The following HERPUD2 variants were observed in gnomAD, a reference collection of about 807,000 sequenced individuals.
The protein encoded by HERPUD2 is HERPUD family member 2, also known as homocysteine-responsive endoplasmic reticulum-resident ubiquitin-like domain member 2 protein.
In HERPUD2, 13 loss-of-function variants were observed where a neutral mutation model predicts 49.9. The ratio of observed to expected loss-of-function variants is 0.26; its 90% CI spans 0.17 to 0.41. HERPUD2 has a LOEUF of 0.41. Among genes scored for constraint, HERPUD2 ranks in the 10% least tolerant of loss-of-function variants. The pLI is 1.00. For missense variants in HERPUD2, 449 were observed against 492.2 expected (o/e 0.91, Z 0.83); for synonymous variants, 172 against 171.4 (o/e 1.00, Z -0.03).
intron 2 of HERPUD2, among the ~76,000 whole-genome samples, chr7:35,673,923 T>C (rs1785695310): frequency 1.3e-5 from 2 of 152,106 alleles, no homozygotes; most frequent in South Asian, 2.1e-4. Flanking sequence ...GGAGAGTCAG[T>C]TGCCATCTCT....
At chr7:35,665,912 C>T (rs1434678610) in intron 5 of HERPUD2, among the ~76,000 whole-genome samples, 2 of 152,118 alleles carry the variant, frequency 1.3e-5, no homozygotes, top group African/African-American at 4.8e-5. Context: ...TTGTTTATTA[C>T]AAAATATATT....
intron 3 of HERPUD2, among the ~76,000 whole-genome samples, chr7:35,670,953 A>C (rs1336586045): frequency 6.6e-6 from 1 of 152,130 alleles, no homozygotes; most frequent in African/African-American, 2.4e-5. Flanking sequence ...TGAGATCATA[A>C]GCATATTTAT....
In HERPUD2 at chr7:35,673,288, G is replaced by T. The variant is rs143729755; in HGVS notation, c.148-10C>A. The T allele has an allele frequency of 8.3e-3, 13,315 of 1,597,014 alleles. 95 individuals carry two copies. Among genetic ancestry groups the T allele is most frequent in the South Asian group, 0.023 (2,047 of 88,906 alleles). ...TCTGATCCTTCGTCAACTAAGAAAT[G>T]GGACAAAGAAAAGAATTCAACTTTT... is the stretch of plus-strand genomic sequence containing the variant. On this transcript the variant is annotated splice_polypyrimidine_tract_variant and intron_variant, in intron 2 of 8. Coordinates refer to ENST00000311350, the MANE Select transcript of HERPUD2 (RefSeq NM_022373.5).
At chr7:35,639,090 G>A (rs373463844) in intron 5 of HERPUD2, among the ~76,000 whole-genome samples, 16 of 151,524 alleles carry the variant, frequency 1.1e-4, no homozygotes, top group Admixed American at 5.3e-4. Flanking sequence ...GTGCAGTGGC[G>A]TGATCTCGGC....
At position 35,654,252 on chromosome 7, in the gene HERPUD2, T is replaced by C. The variant is rs1466513360; in HGVS notation, c.494+13182A>G. Among the ~76,000 whole-genome samples the C allele has an allele frequency of 6.3e-5, 9 of 143,746 alleles. No homozygotes were observed. In the East Asian group the frequency reaches 1.8e-3, roughly 29 times the overall value. 94.3% of individuals were successfully genotyped at this position (143,746 alleles called of 152,430 possible). A position where few individuals can be genotyped will look rare whatever the true frequency, so the allele number is the denominator to read the frequency against. ...GACTGAAAAAACACAATACAAAAGA[T>C]CAACAAAATAAAAACTTGGCTTTTT... On this transcript the variant is annotated intron_variant, in intron 5 of 8. Transcript: ENST00000311350.
intron 5 of HERPUD2, among the ~76,000 whole-genome samples, chr7:35,650,744 C>T (rs906414023): frequency 1.3e-5 from 2 of 152,076 alleles, no homozygotes; most frequent in African/African-American, 4.8e-5. Flanking sequence ...CCAAAGTGTA[C>T]CCCCCCACCA....
rs376606395 is a variant in HERPUD2 at position 35,637,351 on chromosome 7, T to C, written c.617+999A>G. Among the ~76,000 whole-genome samples the C allele has an allele frequency of 4.1e-4, 62 of 152,252 alleles. 1 individual carries two copies. The South Asian group carries it at 0.012, about 29-fold the overall frequency. On this transcript the variant is annotated intron_variant, in intron 6 of 8. Coordinates refer to ENST00000311350, the MANE Select transcript of HERPUD2 (RefSeq NM_022373.5). ...CATATGGGGAAGGACAAAAGCTCTA[T>C]TAACTCTTCATAAAATACTGCTTTC... is the stretch of plus-strand genomic sequence containing the variant.
intron 5 of HERPUD2, among the ~76,000 whole-genome samples, chr7:35,661,292 T>C (rs1207868658): frequency 6.6e-6 from 1 of 152,248 alleles, no homozygotes; most frequent in Non-Finnish European, 1.5e-5. Context: ...CCTTGTAGTA[T>C]AGTTTGAGGT....
At chr7:35,687,305 T>G (rs1275371518) in intron 2 of HERPUD2, among the ~76,000 whole-genome samples, 1 of 152,178 alleles carries the variant, frequency 6.6e-6, no homozygotes, top group Non-Finnish European at 1.5e-5. Context: ...CAGAGTAACA[T>G]ATAAATATAA....
intron 2 of HERPUD2, among the ~76,000 whole-genome samples, chr7:35,692,471 A>G (rs1383904100): frequency 6.6e-6 from 1 of 152,228 alleles, no homozygotes; most frequent in African/African-American, 2.4e-5. Flanking sequence ...CTATCCTAAA[A>G]ACCTATTTTC....
intron 5 of HERPUD2, among the ~76,000 whole-genome samples, chr7:35,652,625 G>A (rs1785190484): frequency 7.1e-6 from 1 of 141,468 alleles, no homozygotes; most frequent in Non-Finnish European, 1.5e-5. Context: ...AGGAAGGAAA[G>A]AAAGGAAGGA....
chr7:35,634,509 T>C lies in HERPUD2; in HGVS notation c.942-80A>G, dbSNP rs1784839234. ...ACACTATAAAATGTTATTAGTGTCC[T>C]ATAAGAGAAAAATGATTAAAACTAT... On this transcript the variant is annotated intron_variant, in intron 7 of 8. Transcript: ENST00000311350. 8.8e-6 allele frequency: 7 copies of C among 798,856 alleles called. No homozygotes were observed. The South Asian group carries it at 1.0e-4, about 11-fold the overall frequency. The allele number at this position is 798,856 out of a possible 1,614,324, so 49.5% of individuals were successfully genotyped here.
chr7:35,673,590 T>G lies in HERPUD2; in HGVS notation c.148-312A>C, dbSNP rs74670232. Among the ~76,000 whole-genome samples the G allele has an allele frequency of 3.9e-3, 589 of 152,250 alleles. 5 individuals carry two copies. Among genetic ancestry groups the G allele is most frequent in the African/African-American group, 0.013 (556 of 41,566 alleles). ...TTTCAACTGTAATGCAATGCATATATGACTATCATTAAAAAATCTTCAAGA... is the reference window on the plus strand; with the variant it reads ...TTTCAACTGTAATGCAATGCATATAGGACTATCATTAAAAAATCTTCAAGA... On this transcript the variant is annotated intron_variant, in intron 2 of 8. Transcript: ENST00000311350.
intron 2 of HERPUD2, among the ~76,000 whole-genome samples, chr7:35,674,275 G>A (rs1785701292): frequency 6.7e-6 from 1 of 150,284 alleles, no homozygotes; most frequent in South Asian, 2.1e-4. Context: ...AGTTTCTCCT[G>A]GAAGCATTTT....
intron 5 of HERPUD2, among the ~76,000 whole-genome samples, chr7:35,652,019 A>G (rs1240815194): frequency 6.6e-6 from 1 of 152,220 alleles, no homozygotes; most frequent in Non-Finnish European, 1.5e-5. Flanking sequence ...AAAACTCCTT[A>G]TCTGGGGAAT....
chr7:35,693,990 C>G (rs1342617027), intron 2 of HERPUD2, among the ~76,000 whole-genome samples, 194 bp downstream of exon 2: 1 of 152,148 alleles, frequency 6.6e-6, no homozygotes, highest in East Asian at 1.9e-4. Context: ...TACTAATTAA[C>G]TGAACCTCAT....
chr7:35,661,515 G>A (rs1285777552), intron 5 of HERPUD2, among the ~76,000 whole-genome samples: 2 of 152,216 alleles, frequency 1.3e-5, no homozygotes, highest in Admixed American at 6.5e-5. Context: ...AGCATGGAAT[G>A]TTCTTCCATT....
intron 5 of HERPUD2, among the ~76,000 whole-genome samples, chr7:35,662,743 T>C (rs901714166): frequency 2.0e-5 from 3 of 152,236 alleles, no homozygotes. Flanking sequence ...TTATTGTGTC[T>C]ATTTGATTCT....
At chr7:35,655,770 A>T (rs1230711909) in intron 5 of HERPUD2, among the ~76,000 whole-genome samples, 1 of 152,146 alleles carries the variant, frequency 6.6e-6, no homozygotes, top group African/African-American at 2.4e-5. Flanking sequence ...GTAGATAAAG[A>T]CTCCACCAAT....
Sources: gnomAD v4.1 joint callset for allele counts (sites outside exome capture counted in the v4.1 genomes callset) on GRCh38, gnomAD v4.1.1 for gene constraint, MANE v1.5 for transcripts, NCBI Gene and HGNC (gene_info 2026-07-23, HGNC 2026-07-21) for gene names.